Variants in HEATR4 observed in about 807,000 individuals in gnomAD.
HEATR4 encodes the protein HEAT repeat-containing protein 4.
HEATR4 carries 95 observed loss-of-function variants against 108.8 expected under a neutral mutation model. That is an observed-to-expected ratio of 0.87 (90% CI 0.74 to 1.04). HEATR4 has a LOEUF of 1.04. HEATR4 is among the 50% of genes least tolerant of loss of function. HEATR4 has a pLI of 0.00. For missense variants in HEATR4, 1,152 were observed against 1,253.8 expected (o/e 0.92, Z 1.23); for synonymous variants, 443 against 459.4 (o/e 0.96, Z 0.46).
chr14:73,601,963 C>T, the HEATR4 span, among the ~76,000 whole-genome samples: 10 of 149,866 alleles, frequency 6.7e-5, no homozygotes, highest in Admixed American at 2.0e-4. Flanking sequence ...TTTTTTGAGA[C>T]GGAGTCTAAA....
the HEATR4 span, among the ~76,000 whole-genome samples, chr14:73,566,543 G>A: frequency 1.6e-3 from 238 of 152,288 alleles, 4 homozygotes; most frequent in Middle Eastern, 0.017. Context: ...CACTGCTGGG[G>A]GACCCAGCAC....
rs1887445882 is a variant in HEATR4 at position 73,514,199 on chromosome 14, C to T, written c.1246G>A (p.Ala416Thr). 7 of 1,614,196 alleles carry T rather than the reference C, an allele frequency of 4.3e-6. No homozygotes were observed. Among genetic ancestry groups the T allele is most frequent in the Non-Finnish European group, 5.9e-6 (7 of 1,180,038 alleles). ...ATATCCTTGGCGGGGGTGGGCAAAG[C>T]AGTCCAGCGCAGGGCTCCTTGCACA... is the stretch of plus-strand genomic sequence containing the variant. Reference protein sequence around the residue: ...RPVQGALRWTALPTPAKDMLL... With the variant: ...RPVQGALRWTTLPTPAKDMLL... Residue 416 changes from alanine to threonine, a missense_variant, in exon 6 of 18, where the codon GCT (alanine) becomes ACT (threonine). Coordinates refer to ENST00000553558, the MANE Select transcript of HEATR4 (RefSeq NM_001220484.1).
rs1337630632 is a variant in HEATR4 at position 73,556,487 on chromosome 14, A to C, written c.-152+2264T>G. Among the ~76,000 whole-genome samples, 4 of 114,074 alleles carry C rather than the reference A, an allele frequency of 3.5e-5. 1 individual carries two copies. Among genetic ancestry groups the C allele is most frequent in the African/African-American group, 1.1e-4 (4 of 35,448 alleles). 74.8% of individuals were successfully genotyped at this position (114,074 alleles called of 152,430 possible). The stretch of plus-strand genomic sequence containing the variant: ...TTATCATCCGATATGATGGCTTATT[A>C]AGAAGGAAGGGAACACATGATAGGT... On this transcript the variant is annotated intron_variant, in intron 1 of 17. Coordinates refer to ENST00000553558, the MANE Select transcript of HEATR4 (RefSeq NM_001220484.1).
At chr14:73,604,191 G>T in the HEATR4 span, among the ~76,000 whole-genome samples, 1 of 107,468 alleles carries the variant, frequency 9.3e-6, no homozygotes. Flanking sequence ...TTGAGATGGA[G>T]TCTCGCTCTA....
At chr14:73,509,069 G>T (rs1393828710) in intron 8 of HEATR4, among the ~76,000 whole-genome samples, 1 of 152,060 alleles carries the variant, frequency 6.6e-6, no homozygotes, top group Non-Finnish European at 1.5e-5. Context: ...GTCTTGTTAT[G>T]TTGCCCAGGC....
chr14:73,569,875 T>C, the HEATR4 span: 4 of 1,604,024 alleles, frequency 2.5e-6, no homozygotes, highest in South Asian at 4.4e-5. Flanking sequence ...ACGCTCTTCC[T>C]GCCGCCAGGT....
At position 73,532,724 on chromosome 14, in the gene HEATR4, G is replaced by T. The variant is rs1194406296; in HGVS notation, c.-151-2480C>A. Among the ~76,000 whole-genome samples the T allele has an allele frequency of 8.7e-5, 10 of 115,030 alleles. 2 individuals are homozygous for T. The highest frequency in any genetic ancestry group is 1.3e-3 in the East Asian group (2 of 1,490). 75.5% of individuals were successfully genotyped at this position (115,030 alleles called of 152,430 possible). A position where few individuals can be genotyped will look rare whatever the true frequency, so the allele number is the denominator to read the frequency against. ...AATCCTAGCACTTTGGGAGGCCAAG[G>T]TGGGCAGATCACAAGGTCAGGAGAT... On this transcript the variant is annotated intron_variant, in intron 1 of 17. Transcript: ENST00000553558.
chr14:73,599,092 A>T, the HEATR4 span, among the ~76,000 whole-genome samples: 2 of 152,168 alleles, frequency 1.3e-5, no homozygotes, highest in African/African-American at 4.8e-5. Context: ...AGCCAACCAC[A>T]GGCACTCCTG....
the HEATR4 span, among the ~76,000 whole-genome samples, chr14:73,576,356 C>T: frequency 1.3e-5 from 2 of 151,906 alleles, no homozygotes; most frequent in Non-Finnish European, 2.9e-5. Flanking sequence ...TCTTTGATAT[C>T]TTCTCCTTGG....
the HEATR4 span, among the ~76,000 whole-genome samples, chr14:73,588,492 C>T: frequency 6.6e-6 from 1 of 152,196 alleles, no homozygotes; most frequent in South Asian, 2.1e-4. Flanking sequence ...GCTAACTCCA[C>T]CCTGATCCCA....
Position 73,506,588 on chromosome 14 carries a change from CT to C in HEATR4, c.1882-18del, listed in dbSNP as rs1483541578. ...TATCAGGGTCTGAGGAAATGGAAGA[CT>C]TGTATGGATATTCACAATCACTTTT... On this transcript the variant is annotated intron_variant, in intron 9 of 17. Coordinates refer to ENST00000553558, the MANE Select transcript of HEATR4 (RefSeq NM_001220484.1). 6.4e-7 allele frequency: 1 copy of C among 1,561,376 alleles called. No homozygotes were observed. Among genetic ancestry groups the C allele is most frequent in the Non-Finnish European group, 8.8e-7 (1 of 1,134,238 alleles).
the HEATR4 span, among the ~76,000 whole-genome samples, chr14:73,597,387 A>G: frequency 6.7e-6 from 1 of 150,280 alleles, no homozygotes; most frequent in Non-Finnish European, 1.5e-5. Context: ...CCCGGCCATT[A>G]TTTATTTATT....
intron 10 of HEATR4, among the ~76,000 whole-genome samples, chr14:73,505,890 CTTTT>C (rs139879719): frequency 8.8e-6 from 1 of 113,320 alleles, no homozygotes; most frequent in Admixed American, 1.0e-4. Flanking sequence ...ATAAACGTTT[CTTTT>C]TTTTTTTTTT....
chr14:73,606,215 C>T, the HEATR4 span, among the ~76,000 whole-genome samples: 1 of 151,922 alleles, frequency 6.6e-6, no homozygotes, highest in Non-Finnish European at 1.5e-5. Context: ...AATTATCCAG[C>T]CATGATGGTG....
the HEATR4 span, among the ~76,000 whole-genome samples, chr14:73,566,281 C>T: frequency 5.9e-5 from 9 of 152,106 alleles, no homozygotes; most frequent in East Asian, 1.9e-4. Context: ...CCCAGTGGAT[C>T]GTGCACTGGG....
chr14:73,522,759 TG>T lies in HEATR4; in HGVS notation c.393del (p.Asp131GlufsTer6), dbSNP rs1351997954. 2 of 1,614,012 alleles carry T rather than the reference TG, an allele frequency of 1.2e-6. No individual in the cohort carries two copies. The highest frequency in any genetic ancestry group is 1.7e-6 in the Non-Finnish European group (2 of 1,180,022). On this transcript the variant is annotated frameshift_variant, in exon 3 of 18. Transcript: ENST00000553558. LOFTEE classifies it high-confidence loss of function. ...CTTTCTGTCTTCACAGCCAGGGAGGTGTCTCCTGTTAAGGGACTTGAGGAAC... is the reference window on the plus strand; with the variant it reads ...CTTTCTGTCTTCACAGCCAGGGAGGTTCTCCTGTTAAGGGACTTGAGGAAC... ...FLGSSSPLTG[D>X]TSLAVKTESS... is the part of the protein sequence containing the mutation.
the HEATR4 span, chr14:73,613,085 T>C: frequency 1.8e-6 from 1 of 548,068 alleles, no homozygotes; most frequent in African/African-American, 2.0e-5. Flanking sequence ...GCCCCTTTCC[T>C]GTCCTGGGAA....
rs778326392 is a variant in HEATR4, at chr14:73,499,132, T to C, written c.2295A>G (p.Glu765=). ...CTCTCTGCATCAGGTTCAGGAGGCA[T>C]TCAAGCACCTGGGATGGAAAAGGCA... is the stretch of plus-strand genomic sequence containing the variant. ...ALQIRDKMVL[E]CLLNLMQRDP... is the part of the protein sequence containing the mutation. The change falls in exon 13 of 18, where the codon GAA becomes GAG. Residue 765 remains glutamate, a synonymous_variant. Transcript: ENST00000553558. 5.0e-6 allele frequency: 8 copies of C among 1,613,962 alleles called. No individual in the cohort carries two copies. In the East Asian group the frequency reaches 1.3e-4, roughly 27 times the overall value.
chr14:73,608,306 T>C, the HEATR4 span, among the ~76,000 whole-genome samples: 1 of 152,216 alleles, frequency 6.6e-6, no homozygotes, highest in South Asian at 2.1e-4. Flanking sequence ...CTTTGCTGCT[T>C]ACATATTTCT....
Sources: allele counts gnomAD v4.1 joint callset (sites outside exome capture counted in the v4.1 genomes callset), GRCh38; gene constraint gnomAD v4.1.1; transcripts MANE v1.5; gene names NCBI Gene and HGNC (gene_info 2026-07-23, HGNC 2026-07-21).